Variants in CACNA2D1 observed in about 807,000 individuals in gnomAD.
CACNA2D1 encodes the protein voltage-dependent calcium channel subunit alpha-2/delta-1.
A neutral mutation model predicts 171.5 loss-of-function variants in CACNA2D1; 53 were observed. The ratio of observed to expected loss-of-function variants is 0.31; its 90% CI spans 0.25 to 0.39. CACNA2D1 has a LOEUF of 0.39. Among genes scored for constraint, CACNA2D1 ranks in the 10% least tolerant of loss-of-function variants. CACNA2D1 has a pLI of 1.00. For missense variants in CACNA2D1, 903 were observed against 1,299.8 expected (o/e 0.69, Z 4.69); for synonymous variants, 442 against 443.1 (o/e 1.00, Z 0.03).
chr7:82,397,804 A>G (rs912489812), intron 1 of CACNA2D1, among the ~76,000 whole-genome samples: 8 of 152,232 alleles, frequency 5.3e-5, no homozygotes, highest in Admixed American at 5.2e-4. Context: ...GAGAGGCCAA[A>G]AAACAGAGCT....
chr7:82,435,802 T>C (rs529241560), intron 1 of CACNA2D1, among the ~76,000 whole-genome samples: 10 of 152,292 alleles, frequency 6.6e-5, no homozygotes, highest in African/African-American at 2.4e-4. Flanking sequence ...CAAATTTGTG[T>C]TGGTACACCA....
At chr7:82,110,533 A>G (rs1024030938) in intron 6 of CACNA2D1, among the ~76,000 whole-genome samples, 4 of 152,200 alleles carry the variant, frequency 2.6e-5, no homozygotes, top group Admixed American at 6.5e-5. Context: ...AGACAATCTC[A>G]AAGTAAATAT....
intron 1 of CACNA2D1, among the ~76,000 whole-genome samples, chr7:82,437,993 T>C (rs3801664): frequency 0.26 from 39,779 of 152,052 alleles, 5,780 homozygotes; most frequent in African/African-American, 0.39. Flanking sequence ...GTGCCAACAT[T>C]TCAAATGGTA....
chr7:81,955,843 G>A (rs897516976), intron 38 of CACNA2D1, among the ~76,000 whole-genome samples: 1 of 131,640 alleles, frequency 7.6e-6, no homozygotes, highest in African/African-American at 2.9e-5. Flanking sequence ...TATAATTATT[G>A]CCATGATAGA....
intron 3 of CACNA2D1, among the ~76,000 whole-genome samples, chr7:82,291,395 T>C (rs1424246949): frequency 3.0e-5 from 4 of 135,500 alleles, no homozygotes; most frequent in African/African-American, 1.1e-4. Context: ...TCTATCTACA[T>C]CTACACTAGA....
chr7:81,947,292 T>C lies in CACNA2D1; in HGVS notation c.*3100A>G, dbSNP rs1792117348. ...TTTAAAGTTAATAAAAGGAATATTA[T>C]AGGAAAACTTACAAATGGCAGGAAC... is the stretch of plus-strand genomic sequence containing the variant. On this transcript the variant is annotated 3_prime_UTR_variant, in exon 39 of 39. Coordinates refer to ENST00000356860, the MANE Select transcript of CACNA2D1 (RefSeq NM_000722.4). The C allele has an allele frequency of 6.6e-6, 1 of 151,116 alleles. No individual in the cohort carries two copies. The highest frequency in any genetic ancestry group is 1.5e-5 in the Non-Finnish European group (1 of 67,738). The allele number at this position is 151,116 out of a possible 1,614,324, so 9.4% of individuals were successfully genotyped here. A position where few individuals can be genotyped will look rare whatever the true frequency, so the allele number is the denominator to read the frequency against.
chr7:82,103,623 G>C (rs1812956737), intron 6 of CACNA2D1, among the ~76,000 whole-genome samples: 1 of 151,984 alleles, frequency 6.6e-6, no homozygotes, highest in Non-Finnish European at 1.5e-5. Context: ...GTTAATGCCA[G>C]TTATAAAATT....
rs192430747 is a variant in CACNA2D1 at position 82,358,103 on chromosome 7, C to T, written c.96-8454G>A. 5.0e-3 allele frequency among the ~76,000 whole-genome samples: 762 copies of T among 152,220 alleles called. 3 individuals carry two copies. The highest frequency in any genetic ancestry group is 0.014 in the Middle Eastern group (4 of 294). ...ACTGACCACTTCAATTGTGTTGATG[C>T]ATAAATAGCTTATCACAAATCTGAA... On this transcript the variant is annotated intron_variant, in intron 1 of 38. Transcript: ENST00000356860.
At chr7:82,164,519 G>A (rs1001029005) in intron 4 of CACNA2D1, among the ~76,000 whole-genome samples, 28 of 151,984 alleles carry the variant, frequency 1.8e-4, no homozygotes, top group Admixed American at 6.6e-4. Flanking sequence ...GTCTGAAAGT[G>A]AAGAAAAGAA....
chr7:82,378,689 T>G (rs1823306235), intron 1 of CACNA2D1, among the ~76,000 whole-genome samples: 1 of 152,158 alleles, frequency 6.6e-6, no homozygotes, highest in Admixed American at 6.5e-5. Context: ...CTTCCTAGAC[T>G]GTGATTTCTT....
chr7:82,394,095 G>A (rs1029757610), intron 1 of CACNA2D1, among the ~76,000 whole-genome samples: 3 of 152,144 alleles, frequency 2.0e-5, no homozygotes, highest in Non-Finnish European at 4.4e-5. Flanking sequence ...ATAGAGGCAA[G>A]TAAAAGGTAG....
intron 3 of CACNA2D1, among the ~76,000 whole-genome samples, chr7:82,248,753 C>G (rs1805242559): frequency 6.6e-6 from 1 of 151,704 alleles, no homozygotes; most frequent in African/African-American, 2.4e-5. Flanking sequence ...ATAGATGGTT[C>G]TTTGGACACA....
chr7:82,217,404 T>C (rs1261464531), intron 3 of CACNA2D1, among the ~76,000 whole-genome samples: 4 of 42,726 alleles, frequency 9.4e-5, no homozygotes, highest in Non-Finnish European at 2.9e-4. Flanking sequence ...CATATATATA[T>C]ATATATATAT....
intron 3 of CACNA2D1, among the ~76,000 whole-genome samples, chr7:82,197,352 A>G (rs1000692436): frequency 3.3e-5 from 5 of 152,072 alleles, no homozygotes; most frequent in Non-Finnish European, 7.4e-5. Context: ...GCACTCCAGA[A>G]TACATTTCCA....
At chr7:82,336,426 A>C (rs1164870887) in intron 2 of CACNA2D1, among the ~76,000 whole-genome samples, 1 of 152,244 alleles carries the variant, frequency 6.6e-6, no homozygotes, top group Admixed American at 6.5e-5. Context: ...ATTAAAATTA[A>C]TATTTTGTAA....
intron 6 of CACNA2D1, among the ~76,000 whole-genome samples, chr7:82,102,628 C>A (rs1812812893): frequency 1.3e-5 from 2 of 152,052 alleles, no homozygotes; most frequent in South Asian, 2.1e-4. Context: ...GGGCAGTCTG[C>A]AGTATGTTTT....
chr7:82,317,499 A>G (rs964876067), intron 3 of CACNA2D1, among the ~76,000 whole-genome samples: 10 of 152,304 alleles, frequency 6.6e-5, no homozygotes, highest in Non-Finnish European at 1.0e-4. Context: ...CAAATCAGTG[A>G]GCATGTCTAA....
chr7:82,052,302 A>G (rs944519854), intron 10 of CACNA2D1, among the ~76,000 whole-genome samples: 2 of 152,320 alleles, frequency 1.3e-5, no homozygotes, highest in Non-Finnish European at 2.9e-5. Flanking sequence ...CTAAAGGTAT[A>G]TTGTTGCTTT....
At chr7:82,030,995 G>T (rs1802625462) in intron 12 of CACNA2D1, among the ~76,000 whole-genome samples, 1 of 151,938 alleles carries the variant, frequency 6.6e-6, no homozygotes, top group African/African-American at 2.4e-5. Flanking sequence ...CAGCACTCAT[G>T]CTTCCAACCT....
Sources: gnomAD v4.1 joint callset for allele counts (sites outside exome capture counted in the v4.1 genomes callset) on GRCh38, gnomAD v4.1.1 for gene constraint, MANE v1.5 for transcripts, NCBI Gene and HGNC (gene_info 2026-07-23, HGNC 2026-07-21) for gene names.